The following PTPRA variants were observed in gnomAD, a reference collection of about 807,000 sequenced individuals.
PTPRA encodes receptor-type tyrosine-protein phosphatase alpha.
Under a neutral mutation model 104.8 loss-of-function variants are expected in PTPRA, and 25 were observed. That is an observed-to-expected ratio of 0.24 (90% CI 0.17 to 0.33). The LOEUF (loss-of-function observed/expected upper bound fraction) is 0.33, where lower values mean the gene tolerates loss of function less well. PTPRA is among the 10% of genes least tolerant of loss of function. PTPRA has a pLI of 1.00. For synonymous variants in PTPRA, 323 were observed against 368.9 expected (o/e 0.88, Z 1.43); for missense variants, 765 against 1,015.3 (o/e 0.75, Z 3.35).
chr20:2,983,811 G>A (rs2062791311), intron 6 of PTPRA, among the ~76,000 whole-genome samples: 1 of 152,200 alleles, frequency 6.6e-6, no homozygotes, highest in South Asian at 2.1e-4. Flanking sequence ...CAAATAGGCA[G>A]TTGAGAATCT....
chr20:2,893,756 ACCC>A (rs1414488104), intron 1 of PTPRA, among the ~76,000 whole-genome samples: 1 of 152,118 alleles, frequency 6.6e-6, no homozygotes, highest in Non-Finnish European at 1.5e-5. Context: ...TGACCTTCTA[ACCC>A]AGTGACCAAA....
intron 5 of PTPRA, among the ~76,000 whole-genome samples, chr20:2,973,719 A>T (rs2062293714): frequency 6.6e-6 from 1 of 152,204 alleles, no homozygotes; most frequent in South Asian, 2.1e-4. Context: ...ACATTGCTTT[A>T]GCTCACATCC....
chr20:3,010,489 G>A (rs1323421408), intron 11 of PTPRA, among the ~76,000 whole-genome samples: 4 of 152,038 alleles, frequency 2.6e-5, no homozygotes, highest in Non-Finnish European at 2.9e-5. Context: ...TTAGTCGGGC[G>A]TGGTGGCGGG....
upstream of PTPRA, among the ~76,000 whole-genome samples, chr20:2,870,876 G>T (rs146967949): frequency 3.9e-5 from 6 of 152,290 alleles, no homozygotes; most frequent in Non-Finnish European, 8.8e-5. Flanking sequence ...TCCCCCATTT[G>T]GGTAGGCTTG....
chr20:2,874,129 G>A (rs1383362982), intron 1 of PTPRA, among the ~76,000 whole-genome samples: 1 of 152,158 alleles, frequency 6.6e-6, no homozygotes, highest in African/African-American at 2.4e-5. Flanking sequence ...AAAACTCTTG[G>A]CATGAGAAAA....
At chr20:2,904,477 T>C (rs566787288) in intron 1 of PTPRA, among the ~76,000 whole-genome samples, 84 of 152,066 alleles carry the variant, frequency 5.5e-4, no homozygotes, top group African/African-American at 2.0e-3. Flanking sequence ...GAGACCATCC[T>C]GGCCAACATG....
intron 9 of PTPRA, among the ~76,000 whole-genome samples, chr20:2,993,409 T>G (rs1377824943): frequency 6.6e-6 from 1 of 152,226 alleles, no homozygotes; most frequent in Non-Finnish European, 1.5e-5. Flanking sequence ...CACATTGATG[T>G]CATTAGCATA....
At chr20:2,865,806 G>A in the PTPRA span, 1 of 483,332 alleles carries the variant, frequency 2.1e-6, no homozygotes, top group African/African-American at 1.9e-5. This position sits in a 1 kb window ranked among gnomAD's most constrained non-coding sequence, Gnocchi z 5.2. Context: ...GGGGCACAGG[G>A]AGGGTGCATA....
intron 3 of PTPRA, among the ~76,000 whole-genome samples, chr20:2,953,261 TA>T (rs1199493106): frequency 4.6e-5 from 7 of 152,022 alleles, no homozygotes; most frequent in South Asian, 2.1e-4. Context: ...TTTATTTATT[TA>T]TTTTTTTTTT....
At position 2,986,802 on chromosome 20, in the gene PTPRA, C is replaced by T. The variant is rs758929547; in HGVS notation, c.480C>T (p.Ser160=). 3.1e-6 allele frequency: 5 copies of T among 1,613,266 alleles called. No individual in the cohort carries two copies. The highest frequency in any genetic ancestry group is 3.4e-6 in the Non-Finnish European group (4 of 1,179,230). The part of the protein sequence containing the change: ...TPIIAVMVAL[S]SLLVIVFIII... ...TTATTGCGGTGATGGTGGCCCTGTCCTCTCTGCTAGTGATCGTGTTTATTA... is the reference window on the plus strand; with the variant it reads ...TTATTGCGGTGATGGTGGCCCTGTCTTCTCTGCTAGTGATCGTGTTTATTA... Residue 160 remains serine, a synonymous_variant, in exon 7 of 24, where the codon TCC becomes TCT. Transcript: ENST00000399903.
chr20:2,920,636 G>C (rs899685846), intron 1 of PTPRA, among the ~76,000 whole-genome samples: 1 of 152,086 alleles, frequency 6.6e-6, no homozygotes, highest in Non-Finnish European at 1.5e-5. Context: ...GGAATTTTAG[G>C]GTGGTCAGAT....
chr20:3,028,249 C>T (rs1030675668), intron 20 of PTPRA, among the ~76,000 whole-genome samples: 2 of 152,150 alleles, frequency 1.3e-5, no homozygotes, highest in African/African-American at 4.8e-5. Context: ...CTGAGGTGGA[C>T]CCAATATGAG....
chr20:3,002,255 A>G (rs2063665747), intron 9 of PTPRA, among the ~76,000 whole-genome samples: 1 of 151,012 alleles, frequency 6.6e-6, no homozygotes. Context: ...AGAAACGTTC[A>G]TTCTTCATTT....
chr20:2,867,995 A>G, the PTPRA span, among the ~76,000 whole-genome samples: 1 of 152,326 alleles, frequency 6.6e-6, no homozygotes, highest in African/African-American at 2.4e-5. Context: ...TCTGTTTCAT[A>G]GTGTCTGAGG....
intron 2 of PTPRA, among the ~76,000 whole-genome samples, chr20:2,946,037 A>G (rs1396895286): frequency 6.6e-6 from 1 of 152,150 alleles, no homozygotes; most frequent in Non-Finnish European, 1.5e-5. Context: ...AGCAATGAGT[A>G]GGCTGCTATG....
chr20:2,935,568 T>G (rs1458542792), intron 2 of PTPRA, among the ~76,000 whole-genome samples: 1 of 152,250 alleles, frequency 6.6e-6, no homozygotes, highest in Non-Finnish European at 1.5e-5. Flanking sequence ...AATTTTTTTT[T>G]GTTTTTTAAT....
At chr20:2,974,081 G>A (rs572564812) in intron 5 of PTPRA, among the ~76,000 whole-genome samples, 4 of 151,452 alleles carry the variant, frequency 2.6e-5, no homozygotes, top group Non-Finnish European at 5.9e-5. Context: ...CTCCCAAGTA[G>A]CTGGGACTAC....
intron 5 of PTPRA, among the ~76,000 whole-genome samples, chr20:2,970,768 A>G (rs990495407): frequency 6.6e-6 from 1 of 152,088 alleles, no homozygotes; most frequent in Non-Finnish European, 1.5e-5. Flanking sequence ...TTACTCCAAG[A>G]TTATAAAAAT....
At chr20:2,926,244 C>T (rs2060290073) in intron 2 of PTPRA, among the ~76,000 whole-genome samples, 1 of 152,176 alleles carries the variant, frequency 6.6e-6, no homozygotes, top group Non-Finnish European at 1.5e-5. Context: ...TGTAACAAAA[C>T]TCCATGAACT....
Sources: gnomAD v4.1 joint callset for allele counts (sites outside exome capture counted in the v4.1 genomes callset) on GRCh38, gnomAD v4.1.1 for gene constraint, Gnocchi (gnomAD v3.1) non-coding constraint, MANE v1.5 for transcripts, NCBI Gene and HGNC (gene_info 2026-07-23, HGNC 2026-07-21) for gene names.